CDKL5: variants seen among roughly 807,000 people sequenced by gnomAD.
CDKL5 encodes cyclin dependent kinase like 5.
In CDKL5, 8 loss-of-function variants were observed where a neutral mutation model predicts 61.7. The observed-to-expected ratio is 0.13, with a 90% CI of 0.08 to 0.23. The LOEUF is 0.23. Among genes scored for constraint, CDKL5 ranks in the 10% least tolerant of loss-of-function variants. The pLI is 1.00. For missense variants in CDKL5, 440 were observed against 734.5 expected, an observed-to-expected ratio of 0.60 and a Z score of 4.63; for synonymous variants, 275 against 272.3, an observed-to-expected ratio of 1.01 and a Z score of -0.10.
chrX:18,490,601 C>T (rs1921960993), intron 1 of CDKL5, among the ~76,000 whole-genome samples: 1 of 111,511 alleles, frequency 9.0e-6, no homozygotes, highest in Non-Finnish European at 1.9e-5. Flanking sequence ...TGCTCTTAAC[C>T]ATATCTTTTT....
intron 1 of CDKL5, among the ~76,000 whole-genome samples, chrX:18,433,234 A>C (rs1048738308): frequency 9.3e-6 from 1 of 107,418 alleles, no homozygotes; most frequent in African/African-American, 3.4e-5. Context: ...GTCTCAAAAA[A>C]AAAAAAGAAA....
chrX:18,453,754 C>T (rs1439720819), intron 1 of CDKL5, among the ~76,000 whole-genome samples: 1 of 111,233 alleles, frequency 9.0e-6, no homozygotes, highest in Non-Finnish European at 1.9e-5. Flanking sequence ...CTTATTTCTC[C>T]TCCATTAAGG....
intron 4 of CDKL5, among the ~76,000 whole-genome samples, chrX:18,570,253 C>T (rs916254902): frequency 8.9e-6 from 1 of 112,074 alleles, no homozygotes; most frequent in Admixed American, 9.5e-5. Context: ...TGAGCTTGAG[C>T]ATTCTGGCTA....
chrX:18,650,456 C>T lies in CDKL5; in HGVS notation c.2844C>T (p.Cys948=), dbSNP rs1602315522. Reference sequence around the variant, plus strand: ...ACCCAAAGAAGCCTCACACTCCGTGCGTCCCAAACCGAGCCCTTCATCGTC... The same window carrying T: ...ACCCAAAGAAGCCTCACACTCCGTGTGTCCCAAACCGAGCCCTTCATCGTC... The change falls in exon 21 of 22, where the codon TGC becomes TGT. Residue 948 remains cysteine (C), a synonymous_variant. Coordinates refer to the CDKL5 transcript ENST00000379989. 14 of 1,211,631 alleles carry T rather than the reference C, an allele frequency of 1.2e-5. No homozygotes were observed. The highest frequency in any genetic ancestry group is 1.8e-5 in the South Asian group (1 of 56,997).
At chrX:18,601,878 G>A (rs1319928486) in intron 11 of CDKL5, among the ~76,000 whole-genome samples, 2 of 111,778 alleles carry the variant, frequency 1.8e-5, no homozygotes, top group Non-Finnish European at 3.8e-5. Context: ...AGCTGAGGAC[G>A]TTTCCCAATA....
At chrX:18,445,793 TG>T (rs1246941435) in intron 1 of CDKL5, among the ~76,000 whole-genome samples, 2 of 111,300 alleles carry the variant, frequency 1.8e-5, no homozygotes, top group Admixed American at 9.6e-5. Flanking sequence ...CATACGGAAC[TG>T]GGGGTCAATT....
chrX:18,598,664 A>G, intron 11 of CDKL5, 51 bp downstream of exon 11: 1 of 1,074,082 alleles, frequency 9.3e-7, no homozygotes, highest in Non-Finnish European at 1.3e-6. Context: ...TCTTACAAGT[A>G]GGTGGAGGAG....
At chrX:18,506,686 G>C (rs1374434561) in intron 1 of CDKL5, among the ~76,000 whole-genome samples, 1 of 111,861 alleles carries the variant, frequency 8.9e-6, no homozygotes, top group Non-Finnish European at 1.9e-5. Flanking sequence ...AAAGTTAGCT[G>C]TGGTTAATTC....
chrX:18,437,818 G>C (rs1189143479), intron 1 of CDKL5, among the ~76,000 whole-genome samples: 1 of 111,792 alleles, frequency 8.9e-6, no homozygotes, highest in Non-Finnish European at 1.9e-5. Context: ...GCCCCTACAT[G>C]CTGAATTCTT....
At chrX:18,449,182 C>T (rs1476747479) in intron 1 of CDKL5, among the ~76,000 whole-genome samples, 2 of 112,342 alleles carry the variant, frequency 1.8e-5, no homozygotes, top group African/African-American at 6.5e-5. Flanking sequence ...TGGGTTTTGC[C>T]ATCTATTTTA....
At chrX:18,541,689 T>G (rs911759064) in intron 3 of CDKL5, among the ~76,000 whole-genome samples, 1 of 110,320 alleles carries the variant, frequency 9.1e-6, no homozygotes, top group African/African-American at 3.3e-5. Flanking sequence ...CCCAGCTAAT[T>G]TTTGTTTATT....
chrX:18,534,189 C>T (rs1923743267), intron 3 of CDKL5, among the ~76,000 whole-genome samples: 2 of 111,816 alleles, frequency 1.8e-5, no homozygotes, highest in Admixed American at 9.5e-5. Flanking sequence ...CTTCCTTCAT[C>T]TGCAGCAATT....
chrX:18,556,994 G>A (rs140629532), intron 3 of CDKL5, among the ~76,000 whole-genome samples: 109 of 111,478 alleles, frequency 9.8e-4, no homozygotes, highest in African/African-American at 3.5e-3. Flanking sequence ...TATGCTCAGG[G>A]AGCAGACAGG....
intron 1 of CDKL5, among the ~76,000 whole-genome samples, chrX:18,429,892 C>T (rs1931446509): frequency 8.9e-6 from 1 of 112,286 alleles, no homozygotes; most frequent in South Asian, 3.6e-4. Flanking sequence ...CCTGCTTTGG[C>T]CTCCCAAAGT....
chrX:18,425,797 C>A (rs1457092409), intron 1 of CDKL5, 102 bp downstream of exon 1: 1 of 112,334 alleles, frequency 8.9e-6, no homozygotes, highest in Non-Finnish European at 1.9e-5. Flanking sequence ...CCCAGTCCCC[C>A]CGGGCGGACA....
At chrX:18,623,023 A>C (rs778183681) in intron 16 of CDKL5, among the ~76,000 whole-genome samples, 1 of 112,045 alleles carries the variant, frequency 8.9e-6, no homozygotes, top group Non-Finnish European at 1.9e-5. Context: ...TATCCAAAAC[A>C]GGGAAAAGTG....
intron 1 of CDKL5, among the ~76,000 whole-genome samples, chrX:18,460,287 C>G (rs1004528624): frequency 1.4e-4 from 15 of 110,628 alleles, no homozygotes; most frequent in Non-Finnish European, 2.3e-4. Context: ...GGGGACCGTA[C>G]TACACACTTT....
intron 20 of CDKL5, among the ~76,000 whole-genome samples, chrX:18,649,883 T>G: frequency 9.0e-6 from 1 of 111,144 alleles, no homozygotes; most frequent in Non-Finnish European, 1.9e-5. Flanking sequence ...GTGGCAGGGA[T>G]TTTTCATGGG....
Position 18,437,714 on chromosome X carries a change from A to G in CDKL5, c.-163+12019A>G, listed in dbSNP as rs191370374. Reference sequence around the variant, plus strand: ...CTTTTACATTAAATTGGTCTCTGTTAAACATTTTATGTTCAGGTGGGCTTA... The same window carrying G: ...CTTTTACATTAAATTGGTCTCTGTTGAACATTTTATGTTCAGGTGGGCTTA... On this transcript the variant is annotated intron_variant, in intron 1 of 17. Coordinates refer to ENST00000623535, the MANE Select transcript of CDKL5 (RefSeq NM_001323289.2). Among the ~76,000 whole-genome samples the G allele has an allele frequency of 1.4e-4, 16 of 112,521 alleles. No homozygotes were observed. In the East Asian group the frequency reaches 4.5e-3, roughly 31 times the overall value.
Sources: gnomAD v4.1 joint callset for allele counts (sites outside exome capture counted in the v4.1 genomes callset) on GRCh38, gnomAD v4.1.1 for gene constraint, MANE v1.5 for transcripts, NCBI Gene and HGNC (gene_info 2026-07-23, HGNC 2026-07-21) for gene names.